MSH4: variants seen among roughly 807,000 people sequenced by gnomAD.
MSH4 encodes mutS homolog 4.
MSH4 carries 106 observed loss-of-function variants against 113.7 expected under a neutral mutation model. The ratio of observed to expected loss-of-function variants is 0.93; its 90% CI spans 0.80 to 1.10. MSH4 has a LOEUF of 1.10. MSH4 is among the 50% of genes least tolerant of loss of function. MSH4 has a pLI of 0.00. For synonymous variants in MSH4, 368 were observed against 380.2 expected (o/e 0.97, Z 0.37); for missense variants, 1,061 against 1,093.7 (o/e 0.97, Z 0.42).
At chr1:75,823,854 A>G (rs1650485486) in intron 7 of MSH4, among the ~76,000 whole-genome samples, 1 of 151,862 alleles carries the variant, frequency 6.6e-6, no homozygotes, top group African/African-American at 2.4e-5. Context: ...TATGTGCCAC[A>G]TTTTCTTTAT....
At chr1:75,844,434 C>G (rs1341216570) in intron 7 of MSH4, among the ~76,000 whole-genome samples, 1 of 152,152 alleles carries the variant, frequency 6.6e-6, no homozygotes, top group Non-Finnish European at 1.5e-5. Flanking sequence ...TCAAGCCATC[C>G]TCCCACCTCA....
At chr1:75,834,581 C>T (rs188607091) in intron 7 of MSH4, among the ~76,000 whole-genome samples, 1 of 152,194 alleles carries the variant, frequency 6.6e-6, no homozygotes, top group South Asian at 2.1e-4. Context: ...GCATATACAC[C>T]ATGGACTACT....
chr1:75,908,148 GTTT>G (rs774325755), intron 19 of MSH4, among the ~76,000 whole-genome samples: 2 of 129,442 alleles, frequency 1.5e-5, no homozygotes, highest in Admixed American at 8.0e-5. Flanking sequence ...ACTTTCATCT[GTTT>G]TTTTTTTTTT....
At chr1:75,861,840 T>A (rs1015799725) in intron 8 of MSH4, among the ~76,000 whole-genome samples, 1 of 152,216 alleles carries the variant, frequency 6.6e-6, no homozygotes, top group Non-Finnish European at 1.5e-5. Flanking sequence ...AGAAGCTGCC[T>A]GCTGCCTTTT....
intron 19 of MSH4, among the ~76,000 whole-genome samples, chr1:75,908,628 T>C (rs538129445): frequency 7.2e-5 from 11 of 152,212 alleles, no homozygotes; most frequent in Non-Finnish European, 1.5e-4. Context: ...GGGGAGATCA[T>C]AGTTTCCTGT....
chr1:75,807,058 G>A lies in MSH4; in HGVS notation c.505G>A (p.Gly169Ser). The stretch of plus-strand genomic sequence containing the variant: ...TGTAGAAGGGAGAGGACTTGCCAGA[G>A]GTGAAATAGGAATGGCAAGTATTGA... ...AVVEGRGLAR[G>S]EIGMASIDLK... is the part of the protein sequence containing the mutation. The change falls in exon 3 of 20, where the codon GGT becomes AGT. Residue 169 changes from glycine to serine, a missense_variant. Gly to Ser is a moderately conservative substitution (Grantham distance 56, BLOSUM62 0). Coordinates refer to ENST00000263187, the MANE Select transcript of MSH4 (RefSeq NM_002440.4). The A allele has an allele frequency of 6.3e-7, 1 of 1,589,908 alleles. No individual in the cohort carries two copies. Among genetic ancestry groups the A allele is most frequent in the Admixed American group, 1.9e-5 (1 of 53,114 alleles).
intron 7 of MSH4, among the ~76,000 whole-genome samples, chr1:75,828,149 A>G (rs1471201592): frequency 6.6e-6 from 1 of 152,222 alleles, no homozygotes; most frequent in Non-Finnish European, 1.5e-5. Flanking sequence ...TTAAAAAGTC[A>G]AAAAATAACA....
chr1:75,811,126 C>T (rs956284836), intron 4 of MSH4, among the ~76,000 whole-genome samples: 3 of 152,230 alleles, frequency 2.0e-5, no homozygotes, highest in South Asian at 2.1e-4. Flanking sequence ...TCTGCCTTGG[C>T]CTCCCAAAGT....
chr1:75,828,697 T>C (rs1650612171), intron 7 of MSH4, among the ~76,000 whole-genome samples: 1 of 152,168 alleles, frequency 6.6e-6, no homozygotes, highest in African/African-American at 2.4e-5. Flanking sequence ...AACTATTGGG[T>C]ACTATGTTTA....
At chr1:75,835,253 T>C (rs1650802922) in intron 7 of MSH4, among the ~76,000 whole-genome samples, 2 of 152,220 alleles carry the variant, frequency 1.3e-5, no homozygotes, top group Admixed American at 6.5e-5. Flanking sequence ...ATTCTGGTAT[T>C]ATATTGACTG....
intron 7 of MSH4, among the ~76,000 whole-genome samples, chr1:75,832,302 C>A (rs184744718): frequency 1.3e-5 from 2 of 152,096 alleles, no homozygotes; most frequent in African/African-American, 2.4e-5. Context: ...TAATAGCCTA[C>A]CAACCAAAAA....
At chr1:75,825,061 G>A (rs892764782) in intron 7 of MSH4, among the ~76,000 whole-genome samples, 1 of 151,884 alleles carries the variant, frequency 6.6e-6, no homozygotes, top group African/African-American at 2.4e-5. Context: ...GGGCAGTATG[G>A]CCATTTTCAC....
rs760146124 is a variant in MSH4 at position 75,810,412 on chromosome 1, A to ATTTTTTTTTTT, written c.589-273_589-263dup. 7.1e-4 allele frequency among the ~76,000 whole-genome samples: 74 copies of ATTTTTTTTTTT among 104,264 alleles called. 1 individual carries two copies. The highest frequency in any genetic ancestry group is 1.4e-3 in the East Asian group (5 of 3,672). 68.4% of individuals were successfully genotyped at this position (104,264 alleles called of 152,430 possible). On this transcript the variant is annotated intron_variant, in intron 3 of 19. Coordinates refer to ENST00000263187, the MANE Select transcript of MSH4 (RefSeq NM_002440.4). ...ACCACCATGCTCGGGTAATTTTTGT[A>ATTTTTTTTTTT]TTTTTTTTTTTTTTTTTTTTTTAGT...
At chr1:75,869,637 G>A (rs1651668250) in intron 9 of MSH4, among the ~76,000 whole-genome samples, 1 of 152,214 alleles carries the variant, frequency 6.6e-6, no homozygotes, top group Non-Finnish European at 1.5e-5. Context: ...CTCGGGCCAT[G>A]GCTTCAGAGG....
chr1:75,878,530 G>A (rs768033409), intron 11 of MSH4, among the ~76,000 whole-genome samples: 2 of 152,128 alleles, frequency 1.3e-5, no homozygotes, highest in Non-Finnish European at 2.9e-5. Context: ...ATTGCCAAGT[G>A]CAATAGCTCA....
At chr1:75,841,319 T>C (rs1650955718) in intron 7 of MSH4, among the ~76,000 whole-genome samples, 1 of 152,064 alleles carries the variant, frequency 6.6e-6, no homozygotes, top group African/African-American at 2.4e-5. Flanking sequence ...TGCTGCAGCC[T>C]CTTGAGAAGC....
At chr1:75,815,616 T>C (rs1406548401) in intron 5 of MSH4, among the ~76,000 whole-genome samples, 1 of 152,150 alleles carries the variant, frequency 6.6e-6, no homozygotes, top group Non-Finnish European at 1.5e-5. Context: ...ACATACGAAA[T>C]AGATACTTTC....
At chr1:75,814,869 T>C in intron 4 of MSH4, 152 bp from the exon 5 acceptor site, 2 of 597,170 alleles carry the variant, frequency 3.3e-6, no homozygotes, top group Non-Finnish European at 3.0e-6. Context: ...ATAATCATTC[T>C]TTTTATAGAA....
chr1:75,827,747 A>G (rs528824252), intron 7 of MSH4, among the ~76,000 whole-genome samples: 1 of 152,154 alleles, frequency 6.6e-6, no homozygotes, highest in South Asian at 2.1e-4. Context: ...ACAAAGATCA[A>G]AAGAGACAAA....
Sources: allele counts gnomAD v4.1 joint callset (sites outside exome capture counted in the v4.1 genomes callset), GRCh38; gene constraint gnomAD v4.1.1; transcripts MANE v1.5; gene names NCBI Gene and HGNC (gene_info 2026-07-23, HGNC 2026-07-21).